MTA1: variants seen among roughly 807,000 people sequenced by gnomAD.
MTA1 encodes the protein metastasis-associated protein MTA1.
A neutral mutation model predicts 97.0 loss-of-function variants in MTA1; 15 were observed. The observed-to-expected ratio is 0.15, with a 90% CI of 0.10 to 0.24. The LOEUF (loss-of-function observed/expected upper bound fraction) is 0.24. Ranked by LOEUF, MTA1 falls within the 10% of genes least tolerant of loss-of-function variation. The pLI, the probability that MTA1 is intolerant of heterozygous loss-of-function variation, is 1.00. For missense variants in MTA1, 709 were observed against 1,015.1 expected (o/e 0.70, Z 4.10); for synonymous variants, 435 against 417.5 (o/e 1.04, Z -0.51).
At chr14:105,464,186 G>A (rs782698107) in intron 13 of MTA1, 39 bp downstream of exon 13, 114 of 1,578,032 alleles carry the variant, frequency 7.2e-5, no homozygotes, top group African/African-American at 2.7e-4. Context: ...CCGCACGCCC[G>A]CCTGTGGGCC....
intron 18 of MTA1, chr14:105,467,117 A>G: frequency 2.4e-6 from 1 of 408,938 alleles, no homozygotes; most frequent in Non-Finnish European, 4.6e-6. Flanking sequence ...CAGGCGGGAC[A>G]GTGGGGAGGG....
intron 3 of MTA1, among the ~76,000 whole-genome samples, chr14:105,447,618 C>G (rs782575889): frequency 2.6e-5 from 4 of 152,144 alleles, no homozygotes; most frequent in Admixed American, 2.0e-4. Context: ...ACTGGCCCCC[C>G]CAGGTACACA....
chr14:105,439,737 G>C (rs1339613108), intron 2 of MTA1, among the ~76,000 whole-genome samples: 1 of 152,148 alleles, frequency 6.6e-6, no homozygotes, highest in Non-Finnish European at 1.5e-5. Context: ...CTGAGCCCCC[G>C]ATCCCCTGGA....
At position 105,458,263 on chromosome 14, in the gene MTA1, C is replaced by A; in HGVS notation, c.551-7C>A. The A allele has an allele frequency of 3.7e-6, 6 of 1,610,682 alleles. No individual in the cohort carries two copies. The highest frequency in any genetic ancestry group is 5.1e-6 in the Non-Finnish European group (6 of 1,178,176). On this transcript the variant is annotated splice_polypyrimidine_tract_variant and splice_region_variant and intron_variant, in intron 7 of 20. Transcript: ENST00000331320. ...CGTCTCAGAAAGGCCACACTTCCTC[C>A]CTGTAGGCGAGGAGGATGGCCGAGA...
chr14:105,463,644 T>A lies in MTA1; in HGVS notation c.1076+93T>A. ...GGGGCCAGGCGGGTCCCAAGGAAAC[T>A]CAAGCTCAGAGGCTGGGAAAGTTGG... is the stretch of plus-strand genomic sequence containing the variant. On this transcript the variant is annotated intron_variant, in intron 12 of 20. Coordinates refer to ENST00000331320, the MANE Select transcript of MTA1 (RefSeq NM_004689.4). The surrounding 1 kb of genome is among the most constrained non-coding windows in gnomAD (Gnocchi z 5.9). 1 of 1,320,158 alleles carries A rather than the reference T, an allele frequency of 7.6e-7. No homozygotes were observed. The highest frequency in any genetic ancestry group is 1.1e-6 in the Non-Finnish European group (1 of 926,776). 81.8% of individuals were successfully genotyped at this position (1,320,158 alleles called of 1,614,324 possible). A position where few individuals can be genotyped will look rare whatever the true frequency, so the allele number is the denominator to read the frequency against.
intron 3 of MTA1, 127 bp from the exon 4 acceptor site, chr14:105,449,232 G>A (rs1300430305): frequency 6.8e-6 from 6 of 882,024 alleles, no homozygotes; most frequent in South Asian, 3.8e-5. Context: ...ACGCCCCACC[G>A]GGAGGCCTGC....
intron 3 of MTA1, among the ~76,000 whole-genome samples, chr14:105,446,795 A>G (rs992359324): frequency 6.6e-6 from 1 of 152,118 alleles, no homozygotes; most frequent in Non-Finnish European, 1.5e-5. Flanking sequence ...GCCTGGGTCC[A>G]CTCTGGACAC....
intron 1 of MTA1, among the ~76,000 whole-genome samples, chr14:105,423,637 G>C (rs782058646): frequency 7.2e-5 from 11 of 152,234 alleles, no homozygotes; most frequent in Non-Finnish European, 1.6e-4. Context: ...CAGGGCCGCG[G>C]GCTCTGCCCC....
chr14:105,421,210 AC>A (rs1457877583), intron 1 of MTA1, among the ~76,000 whole-genome samples: 1 of 151,890 alleles, frequency 6.6e-6, no homozygotes, highest in African/African-American at 2.4e-5. Flanking sequence ...GTGGGCCTGT[AC>A]CCCATCCAGC....
chr14:105,465,960 G>GACGC, intron 16 of MTA1: 1 of 190,522 alleles, frequency 5.2e-6, no homozygotes, highest in Non-Finnish European at 1.1e-5. Context: ...CCCCTGTCCT[G>GACGC]TGGGAAGAGG....
chr14:105,460,178 G>A (rs1183811822), intron 8 of MTA1, among the ~76,000 whole-genome samples, 180 bp from the exon 9 acceptor site: 1 of 88,716 alleles, frequency 1.1e-5, no homozygotes, highest in Non-Finnish European at 2.3e-5. Context: ...CCTGGGGAGT[G>A]GTGTGCCTGG....
chr14:105,445,628 C>A, intron 3 of MTA1, 117 bp downstream of exon 3: 1 of 1,021,962 alleles, frequency 9.8e-7, no homozygotes, highest in Non-Finnish European at 1.5e-6. Flanking sequence ...CCACCCTCTG[C>A]CCAACTCACT....
chr14:105,464,001 A>T, intron 12 of MTA1, 31 bp from the exon 13 acceptor site: 1 of 1,608,306 alleles, frequency 6.2e-7, no homozygotes, highest in Non-Finnish European at 8.5e-7. Flanking sequence ...TGCTCCTGCA[A>T]CTCCTCTCGT....
intron 18 of MTA1, chr14:105,468,365 G>A (rs1341578287): frequency 5.4e-6 from 7 of 1,304,088 alleles, no homozygotes; most frequent in Non-Finnish European, 7.1e-6. Flanking sequence ...TAGTTTTTGT[G>A]CTACTGGCCA....
intron 7 of MTA1, among the ~76,000 whole-genome samples, chr14:105,456,910 C>T (rs990055178): frequency 3.4e-4 from 52 of 152,344 alleles, no homozygotes; most frequent in Non-Finnish European, 4.3e-4. Context: ...TCCTAGAGGC[C>T]GCATGGCCTG....
Position 105,465,145 on chromosome 14 carries a change from C to T in MTA1, c.1586C>T (p.Ala529Val), listed in dbSNP as rs782254095. 79 of 1,522,586 alleles carry T rather than the reference C, an allele frequency of 5.2e-5. No individual in the cohort carries two copies. Among genetic ancestry groups the T allele is most frequent in the Non-Finnish European group, 6.1e-5 (69 of 1,130,738 alleles). 94.3% of individuals were successfully genotyped at this position (1,522,586 alleles called of 1,614,324 possible). ...CAGAGCCCGCTGGTGCTGAAGCAGGCGGTACGCAAGCCGCTGGAAGCCGTG... is the reference window on the plus strand; with the variant it reads ...CAGAGCCCGCTGGTGCTGAAGCAGGTGGTACGCAAGCCGCTGGAAGCCGTG... ...ASQSPLVLKQ[A>V]VRKPLEAVLR... The change falls in exon 16 of 21, where the codon GCG becomes GTG. Residue 529 changes from alanine to valine, a missense_variant. Ala to Val is a moderately conservative substitution (Grantham distance 64). Transcript: ENST00000331320.
At chr14:105,454,131 C>T in intron 6 of MTA1, 62 bp from the exon 7 acceptor site, 1 of 1,350,412 alleles carries the variant, frequency 7.4e-7, no homozygotes, top group Non-Finnish European at 1.1e-6. Context: ...GCTGACGCCT[C>T]TCTGACCCTC....
rs946254318 is a variant in MTA1 at position 105,461,837 on chromosome 14, G to A, written c.942+884G>A. ...GGCCAAGGGGAGAGCTTGGCCGGGC[G>A]GGAGGAGTCCCTGACTGTCCCTGGG... On this transcript the variant is annotated intron_variant, in intron 10 of 20. Coordinates refer to ENST00000331320, the MANE Select transcript of MTA1 (RefSeq NM_004689.4). Among the ~76,000 whole-genome samples the A allele has an allele frequency of 2.0e-5, 3 of 152,204 alleles. No individual in the cohort carries two copies. In the South Asian group the frequency reaches 6.2e-4, roughly 31 times the overall value.
intron 10 of MTA1, among the ~76,000 whole-genome samples, chr14:105,462,843 T>G (rs2083411000): frequency 6.6e-6 from 1 of 152,010 alleles, no homozygotes; most frequent in African/African-American, 2.4e-5. Context: ...CACTCCAGCC[T>G]GGGTGACAGA....
Sources: gnomAD v4.1 joint callset for allele counts (sites outside exome capture counted in the v4.1 genomes callset) on GRCh38, gnomAD v4.1.1 for gene constraint, Gnocchi (gnomAD v3.1) non-coding constraint, MANE v1.5 for transcripts, NCBI Gene and HGNC (gene_info 2026-07-23, HGNC 2026-07-21) for gene names.